FRMD5: variants seen among roughly 807,000 people sequenced by gnomAD.
The protein encoded by FRMD5 is FERM domain containing 5.
In FRMD5, 20 loss-of-function variants were observed where a neutral mutation model predicts 69.0. The ratio of observed to expected loss-of-function variants is 0.29; its 90% CI spans 0.20 to 0.42. The LOEUF (loss-of-function observed/expected upper bound fraction) is 0.42, where lower values mean the gene tolerates loss of function less well. Among genes scored for constraint, FRMD5 ranks in the 10% least tolerant of loss-of-function variants. FRMD5 has a pLI of 1.00. For synonymous variants in FRMD5, 271 were observed against 260.1 expected (o/e 1.04, Z -0.40); for missense variants, 595 against 708.6 (o/e 0.84, Z 1.82).
At chr15:43,938,651 T>C (rs766858857) in intron 1 of FRMD5, among the ~76,000 whole-genome samples, 7 of 152,176 alleles carry the variant, frequency 4.6e-5, no homozygotes, top group Non-Finnish European at 1.0e-4. Flanking sequence ...ATTGGCCTGC[T>C]TCAACCAGAA....
chr15:43,897,253 C>T (rs559503011), intron 7 of FRMD5, among the ~76,000 whole-genome samples: 19 of 151,890 alleles, frequency 1.3e-4, no homozygotes, highest in East Asian at 3.9e-4. Context: ...TTTGGGAGGC[C>T]GAGGCGGGCA....
At chr15:44,109,709 T>C (rs951948367) in intron 1 of FRMD5, among the ~76,000 whole-genome samples, 4 of 152,156 alleles carry the variant, frequency 2.6e-5, no homozygotes, top group South Asian at 2.1e-4. Flanking sequence ...GTAGTGTACT[T>C]TCTCTGGGTT....
At chr15:43,910,359 G>A (rs1306641624) in intron 4 of FRMD5, among the ~76,000 whole-genome samples, 2 of 152,048 alleles carry the variant, frequency 1.3e-5, no homozygotes, top group African/African-American at 4.8e-5. Context: ...CGCCTTGGAT[G>A]CCAGCTGATG....
chr15:43,926,434 A>G lies in FRMD5; in HGVS notation c.103-2125T>C, dbSNP rs143915743. ...AAATTGAGGTTGTAAGATAAGATCC[A>G]AAGATCTCTCCTGTGCCAAGGCCCA... is the stretch of plus-strand genomic sequence containing the variant. On this transcript the variant is annotated intron_variant, in intron 1 of 13. Coordinates refer to ENST00000417257, the MANE Select transcript of FRMD5 (RefSeq NM_032892.5). 1.6e-4 allele frequency among the ~76,000 whole-genome samples: 24 copies of G among 152,338 alleles called. No homozygotes were observed. In the East Asian group the frequency reaches 4.6e-3, roughly 29 times the overall value.
At chr15:43,924,355 G>C (rs1180361238) in intron 1 of FRMD5, 46 bp from the exon 2 acceptor site, 1 of 1,378,510 alleles carries the variant, frequency 7.3e-7, no homozygotes, top group Non-Finnish European at 1.0e-6. Context: ...GGTTTCTTCA[G>C]TGTAACTTTT....
At chr15:43,890,737 A>G (rs934857716) in intron 8 of FRMD5, among the ~76,000 whole-genome samples, 1 of 152,204 alleles carries the variant, frequency 6.6e-6, no homozygotes, top group Non-Finnish European at 1.5e-5. Context: ...ACTCCAGGGC[A>G]GCAGCTGCCT....
chr15:43,898,423 ATGT>A (rs1197404196), intron 7 of FRMD5, among the ~76,000 whole-genome samples: 3 of 152,196 alleles, frequency 2.0e-5, no homozygotes, highest in Non-Finnish European at 2.9e-5. Context: ...CTTAGCAGTG[ATGT>A]TGTAAAGATT....
intron 1 of FRMD5, among the ~76,000 whole-genome samples, chr15:44,145,529 A>T (rs890715000): frequency 6.6e-6 from 1 of 152,230 alleles, no homozygotes; most frequent in Non-Finnish European, 1.5e-5. Context: ...GAAAAATTAA[A>T]TGCAAACTTA....
At chr15:44,058,841 T>C (rs1192470559) in intron 1 of FRMD5, among the ~76,000 whole-genome samples, 2 of 150,670 alleles carry the variant, frequency 1.3e-5, no homozygotes, top group African/African-American at 4.9e-5. Context: ...TTGTGGGGAA[T>C]GAACTGGCTC....
At chr15:44,092,927 C>CTTTTT (rs3040924) in intron 1 of FRMD5, among the ~76,000 whole-genome samples, 3 of 79,416 alleles carry the variant, frequency 3.8e-5, no homozygotes, top group African/African-American at 1.4e-4. Flanking sequence ...TATCCTCTGC[C>CTTTTT]TTTTTTTTTT....
intron 1 of FRMD5, among the ~76,000 whole-genome samples, chr15:44,059,218 C>G (rs1331309593): frequency 6.6e-6 from 1 of 152,108 alleles, no homozygotes; most frequent in Admixed American, 6.5e-5. Flanking sequence ...ATCTTAAGAG[C>G]TGTAGTAAAG....
At chr15:44,138,023 T>A (rs1262136004) in intron 1 of FRMD5, among the ~76,000 whole-genome samples, 1 of 152,150 alleles carries the variant, frequency 6.6e-6, no homozygotes, top group Non-Finnish European at 1.5e-5. Context: ...ATCACAATGA[T>A]CAGAAATCTG....
At chr15:44,145,344 C>G (rs1361602926) in intron 1 of FRMD5, among the ~76,000 whole-genome samples, 1 of 152,164 alleles carries the variant, frequency 6.6e-6, no homozygotes, top group African/African-American at 2.4e-5. Flanking sequence ...TCCTGCATTT[C>G]TTTAAAAACT....
chr15:43,945,649 T>A (rs1416927339), intron 1 of FRMD5, among the ~76,000 whole-genome samples: 2 of 152,148 alleles, frequency 1.3e-5, no homozygotes, highest in African/African-American at 4.8e-5. Context: ...ACTGCATGCA[T>A]CCCACTGTAA....
intron 1 of FRMD5, among the ~76,000 whole-genome samples, chr15:44,008,097 T>C (rs1296437347): frequency 7.3e-6 from 1 of 136,056 alleles, no homozygotes; most frequent in Non-Finnish European, 1.6e-5. Flanking sequence ...CAATTTTTTT[T>C]TTTTTTTTTT....
At chr15:44,149,318 G>A (rs149730122) in intron 1 of FRMD5, among the ~76,000 whole-genome samples, 43 of 148,542 alleles carry the variant, frequency 2.9e-4, no homozygotes, top group African/African-American at 9.6e-4. Context: ...ACTACAAAAA[G>A]TCAACTAAAC....
At chr15:44,147,452 T>C (rs995923620) in intron 1 of FRMD5, among the ~76,000 whole-genome samples, 8 of 152,190 alleles carry the variant, frequency 5.3e-5, no homozygotes, top group Non-Finnish European at 8.8e-5. Flanking sequence ...TTTTTGGCTA[T>C]AGGGGCTCTT....
rs578206031 is a variant in FRMD5, at chr15:44,027,402, T to C, written c.103-103093A>G. 1.1e-4 allele frequency among the ~76,000 whole-genome samples: 17 copies of C among 152,306 alleles called. No individual in the cohort carries two copies. In the South Asian group the frequency reaches 3.3e-3, roughly 30 times the overall value. On this transcript the variant is annotated intron_variant, in intron 1 of 13. Coordinates refer to ENST00000417257, the MANE Select transcript of FRMD5 (RefSeq NM_032892.5). ...CCTCTTGTTATGTAACATGGAATAT[T>C]TGGAAAGAATTAAGTCAGCTTTGCT...
upstream of FRMD5, among the ~76,000 whole-genome samples, chr15:44,198,809 T>C (rs2078325350): frequency 6.6e-6 from 1 of 152,248 alleles, no homozygotes; most frequent in African/African-American, 2.4e-5. Flanking sequence ...TAAAAGGCCT[T>C]ATTTGCCCTT....
Sources: allele counts gnomAD v4.1 joint callset (sites outside exome capture counted in the v4.1 genomes callset), GRCh38; gene constraint gnomAD v4.1.1; transcripts MANE v1.5; gene names NCBI Gene and HGNC (gene_info 2026-07-23, HGNC 2026-07-21).